Variants in RB1CC1 observed in about 807,000 individuals in gnomAD.
RB1CC1 encodes RB1-inducible coiled-coil protein 1.
A neutral mutation model predicts 177.5 loss-of-function variants in RB1CC1; 46 were observed. The ratio of observed to expected loss-of-function variants is 0.26; its 90% CI spans 0.20 to 0.33. The LOEUF is 0.33. Among genes scored for constraint, RB1CC1 ranks in the 10% least tolerant of loss-of-function variants. The pLI is 1.00. For synonymous variants in RB1CC1, 666 were observed against 613.6 expected, an observed-to-expected ratio of 1.09 and a Z score of -1.26; for missense variants, 1,703 against 1,816.3, an observed-to-expected ratio of 0.94 and a Z score of 1.13.
chr8:52,665,090 T>C (rs1851953453), intron 8 of RB1CC1, among the ~76,000 whole-genome samples: 1 of 152,180 alleles, frequency 6.6e-6, no homozygotes, highest in African/African-American at 2.4e-5. Context: ...GACGATTTTA[T>C]AGAATGATGG....
chr8:52,706,548 C>G (rs1250960002), intron 1 of RB1CC1, among the ~76,000 whole-genome samples: 3 of 151,388 alleles, frequency 2.0e-5, no homozygotes, highest in Admixed American at 6.6e-5. Flanking sequence ...CTGGCTAACA[C>G]AGTGAAACCC....
chr8:52,638,763 TA>T (rs1849342579), intron 18 of RB1CC1, among the ~76,000 whole-genome samples: 2 of 152,108 alleles, frequency 1.3e-5, no homozygotes, highest in Admixed American at 1.3e-4. Context: ...TGTTTATATA[TA>T]CAATGTAAAA....
intron 23 of RB1CC1, 107 bp from the exon 24 acceptor site, chr8:52,623,966 T>C (rs1316770707): frequency 5.4e-6 from 4 of 743,650 alleles, no homozygotes; most frequent in Non-Finnish European, 4.6e-6. Flanking sequence ...AAAAAATAAA[T>C]AAACCACATC....
chr8:52,646,290 C>T (rs1280879351), intron 15 of RB1CC1, among the ~76,000 whole-genome samples: 1 of 151,652 alleles, frequency 6.6e-6, no homozygotes, highest in Non-Finnish European at 1.5e-5. Flanking sequence ...AGTGAGACCC[C>T]GTCTCTTAAA....
chr8:52,711,396 T>C (rs1352336385), intron 1 of RB1CC1, among the ~76,000 whole-genome samples: 1 of 152,224 alleles, frequency 6.6e-6, no homozygotes, highest in Non-Finnish European at 1.5e-5. Context: ...TTTATCTATG[T>C]GAGTTAAGCA....
chr8:52,683,742 A>T (rs1251057827), intron 4 of RB1CC1, 23 bp from the exon 5 acceptor site: 15 of 1,559,078 alleles, frequency 9.6e-6, no homozygotes, highest in African/African-American at 1.4e-5. Flanking sequence ...AAAAAGGAGA[A>T]ATAACCAAAA....
intron 2 of RB1CC1, 35 bp downstream of exon 2, chr8:52,686,818 T>A: frequency 2.5e-6 from 1 of 397,632 alleles, no homozygotes; most frequent in Non-Finnish European, 4.9e-6. Context: ...GGCAATAGAT[T>A]AAACTCTGCT....
At chr8:52,670,653 A>G (rs937061944) in intron 7 of RB1CC1, among the ~76,000 whole-genome samples, 1 of 152,212 alleles carries the variant, frequency 6.6e-6, no homozygotes, top group Admixed American at 6.5e-5. Flanking sequence ...AACACAAATC[A>G]GTGTGCCTTT....
At chr8:52,682,169 T>C (rs2150587637) in intron 5 of RB1CC1, among the ~76,000 whole-genome samples, 1 of 152,276 alleles carries the variant, frequency 6.6e-6, no homozygotes, top group South Asian at 2.1e-4. Context: ...CTTGTATTAG[T>C]GAGACCTAGA....
At chr8:52,669,954 TAA>T (rs199995178) in intron 7 of RB1CC1, among the ~76,000 whole-genome samples, 5 of 151,062 alleles carry the variant, frequency 3.3e-5, no homozygotes, top group Non-Finnish European at 4.4e-5. Context: ...CACAACTTCC[TAA>T]AAAAAATTTA....
At chr8:52,634,818 G>T in intron 20 of RB1CC1, 103 bp downstream of exon 20, 1 of 988,944 alleles carries the variant, frequency 1.0e-6, no homozygotes, top group Non-Finnish European at 1.5e-6. Context: ...CTATAGATAA[G>T]TCAATCAAAG....
At position 52,685,505 on chromosome 8, in the gene RB1CC1, C is replaced by T. The variant is rs750794070; in HGVS notation, c.-36G>A. ...CTGAATTCTGTGAGCTTATACCTCA[C>T]CCTCTGATACAGTTACTAGAAGAAA... On this transcript the variant is annotated 5_prime_UTR_variant, in exon 3 of 24. The change creates a new upstream start codon in the 5' untranslated region. Coordinates refer to ENST00000025008, the MANE Select transcript of RB1CC1 (RefSeq NM_014781.5). 7.8e-7 allele frequency: 1 copy of T among 1,280,256 alleles called. No individual in the cohort carries two copies. The allele number at this position is 1,280,256 out of a possible 1,614,324, so 79.3% of individuals were successfully genotyped here.
intron 8 of RB1CC1, among the ~76,000 whole-genome samples, chr8:52,666,791 T>TAA (rs146483362): frequency 0.023 from 3,492 of 151,946 alleles, 157 homozygotes; most frequent in African/African-American, 0.079. Flanking sequence ...GAGAAAAAGT[T>TAA]AAAATGTAGG....
intron 1 of RB1CC1, among the ~76,000 whole-genome samples, chr8:52,702,204 G>T (rs12216810): frequency 0.085 from 12,878 of 152,214 alleles, 752 homozygotes; most frequent in South Asian, 0.25. Flanking sequence ...TAATTGAAAT[G>T]TATGGTTTAT....
intron 18 of RB1CC1, among the ~76,000 whole-genome samples, chr8:52,640,002 A>C: frequency 6.6e-6 from 1 of 152,246 alleles, no homozygotes; most frequent in East Asian, 1.9e-4. Flanking sequence ...TATTTATCCC[A>C]ATATCTACTA....
At chr8:52,692,148 A>T (rs1027649302) in intron 1 of RB1CC1, among the ~76,000 whole-genome samples, 3 of 152,210 alleles carry the variant, frequency 2.0e-5, no homozygotes, top group Non-Finnish European at 2.9e-5. Flanking sequence ...CAATAAATTC[A>T]TTCATTCAAT....
At position 52,658,240 on chromosome 8, in the gene RB1CC1, T is replaced by C. The variant is rs16918077; in HGVS notation, c.1794-116A>G. On this transcript the variant is annotated intron_variant, in intron 13 of 23. Coordinates refer to ENST00000025008, the MANE Select transcript of RB1CC1 (RefSeq NM_014781.5). ...AAGAGCCTTATCATTCCTTTTTAAA[T>C]TAATACCAGAAGTATTTTAAGAAGT... 1.4e-3 allele frequency: 1,614 copies of C among 1,149,270 alleles called. 25 individuals carry two copies. The African/African-American group carries it at 0.023, about 17-fold the overall frequency. 71.2% of individuals were successfully genotyped at this position (1,149,270 alleles called of 1,614,324 possible).
At chr8:52,666,753 G>T (rs1421596928) in intron 8 of RB1CC1, among the ~76,000 whole-genome samples, 3 of 151,900 alleles carry the variant, frequency 2.0e-5, no homozygotes, top group Non-Finnish European at 4.4e-5. Flanking sequence ...ATGAGCAAGT[G>T]GTTAGCTACA....
Position 52,636,025 on chromosome 8 carries a change from A to G in RB1CC1, c.4382T>C (p.Leu1461Pro). 1 of 1,607,958 alleles carries G rather than the reference A, an allele frequency of 6.2e-7. No homozygotes were observed. Among genetic ancestry groups the G allele is most frequent in the East Asian group, 2.2e-5 (1 of 44,594 alleles). Residue 1461 changes from leucine (L) to proline (P), a missense_variant, in exon 19 of 24, where the codon CTG becomes CCG. Transcript: ENST00000025008. Reference sequence around the variant, plus strand: ...AGATAATTTACTTACTCGTTCTAACAGCATTATCCGCTGTTTTTCTTCAGA... The same window carrying G: ...AGATAATTTACTTACTCGTTCTAACGGCATTATCCGCTGTTTTTCTTCAGA... Reference protein sequence around the residue: ...MLSEEKQRIMLLERTLQLKEE... With the variant: ...MLSEEKQRIMPLERTLQLKEE...
Sources: gnomAD v4.1 joint callset for allele counts (sites outside exome capture counted in the v4.1 genomes callset) on GRCh38, gnomAD v4.1.1 for gene constraint, MANE v1.5 for transcripts, NCBI Gene and HGNC (gene_info 2026-07-23, HGNC 2026-07-21) for gene names.